Variants in ENTREP2 observed in about 807,000 individuals in gnomAD.
ENTREP2 encodes endosomal transmembrane epsin interactor 2.
chr15:29,477,924 C>T, the ENTREP2 span, among the ~76,000 whole-genome samples: 1 of 147,016 alleles, frequency 6.8e-6, no homozygotes, highest in Non-Finnish European at 1.5e-5. Flanking sequence ...AAGCACAACA[C>T]AAGCCTTGGG....
chr15:29,493,854 G>A, the ENTREP2 span, among the ~76,000 whole-genome samples: 17 of 151,898 alleles, frequency 1.1e-4, no homozygotes, highest in African/African-American at 3.6e-4. Flanking sequence ...GCTCACACCC[G>A]TAATCCCAGG....
chr15:29,198,157 G>A, the ENTREP2 span, among the ~76,000 whole-genome samples: 3 of 152,180 alleles, frequency 2.0e-5, no homozygotes, highest in South Asian at 4.1e-4. Context: ...GGCTTTGCGA[G>A]TGGCTTTCAG....
chr15:29,237,947 C>T, the ENTREP2 span, among the ~76,000 whole-genome samples: 1 of 152,100 alleles, frequency 6.6e-6, no homozygotes, highest in African/African-American at 2.4e-5. Context: ...GTGGAAACAA[C>T]CCAAATGTCC....
At chr15:29,389,900 C>A in the ENTREP2 span, among the ~76,000 whole-genome samples, 1 of 152,214 alleles carries the variant, frequency 6.6e-6, no homozygotes, top group South Asian at 2.1e-4. Flanking sequence ...GCACAGACTT[C>A]ACTCCCCCCA....
the ENTREP2 span, chr15:29,151,945 C>A: frequency 3.6e-6 from 3 of 831,446 alleles, no homozygotes; most frequent in Non-Finnish European, 6.0e-6. Flanking sequence ...CGATGACCAT[C>A]CACTTCATGG....
At chr15:29,642,384 TA>T in the ENTREP2 span, among the ~76,000 whole-genome samples, 5 of 151,202 alleles carry the variant, frequency 3.3e-5, no homozygotes, top group Non-Finnish European at 7.4e-5. Context: ...AACCATTCAA[TA>T]GGGGGGAGAG....
chr15:29,308,678 A>G, the ENTREP2 span, among the ~76,000 whole-genome samples: 1 of 152,244 alleles, frequency 6.6e-6, no homozygotes, highest in East Asian at 1.9e-4. Context: ...GGTACCTTGC[A>G]CATAACAGGA....
chr15:29,510,102 A>G, the ENTREP2 span, among the ~76,000 whole-genome samples: 5 of 152,228 alleles, frequency 3.3e-5, no homozygotes, highest in Non-Finnish European at 7.3e-5. Flanking sequence ...ATGAACAGAT[A>G]CTTTTCAAAA....
chr15:29,601,106 C>T, the ENTREP2 span, among the ~76,000 whole-genome samples: 6 of 149,096 alleles, frequency 4.0e-5, no homozygotes, highest in Admixed American at 4.0e-4. Flanking sequence ...ACCGTGTTAG[C>T]CAGGATGGTC....
chr15:29,328,301 C>T, the ENTREP2 span, among the ~76,000 whole-genome samples: 1 of 152,056 alleles, frequency 6.6e-6, no homozygotes, highest in Admixed American at 6.5e-5. Flanking sequence ...AAGTGAAGTC[C>T]AGAGAATTTT....
chr15:29,191,239 A>G, the ENTREP2 span, among the ~76,000 whole-genome samples: 3 of 152,188 alleles, frequency 2.0e-5, no homozygotes, highest in African/African-American at 7.2e-5. Context: ...AAGTATCTAT[A>G]ATTATGGGAA....
chr15:29,246,392 C>CAAAA, the ENTREP2 span, among the ~76,000 whole-genome samples: 1 of 90,700 alleles, frequency 1.1e-5, no homozygotes, highest in African/African-American at 4.1e-5. Flanking sequence ...ACCCTGTTTC[C>CAAAA]AAAAAAAAAA....
At chr15:29,173,980 C>A in the ENTREP2 span, among the ~76,000 whole-genome samples, 3 of 147,982 alleles carry the variant, frequency 2.0e-5, no homozygotes, top group Non-Finnish European at 4.4e-5. Context: ...CCCACTCTTT[C>A]ATTTAGATGA....
chr15:29,136,717 C>T, the ENTREP2 span, among the ~76,000 whole-genome samples: 7 of 151,796 alleles, frequency 4.6e-5, no homozygotes, highest in Non-Finnish European at 7.4e-5. Flanking sequence ...CTCTACTGAC[C>T]TGTCCATTAA....
At chr15:29,380,163 A>T in the ENTREP2 span, among the ~76,000 whole-genome samples, 1 of 152,296 alleles carries the variant, frequency 6.6e-6, no homozygotes, top group South Asian at 2.1e-4. Context: ...TCATGACAGC[A>T]GTCTGTTTAC....
At chr15:29,247,394 A>T in the ENTREP2 span, among the ~76,000 whole-genome samples, 1 of 152,238 alleles carries the variant, frequency 6.6e-6, no homozygotes, top group Non-Finnish European at 1.5e-5. Flanking sequence ...AAGACTAAAC[A>T]TTTAAAACCA....
chr15:29,228,436 G>A, the ENTREP2 span, among the ~76,000 whole-genome samples: 1 of 152,178 alleles, frequency 6.6e-6, no homozygotes, highest in Non-Finnish European at 1.5e-5. Flanking sequence ...GTTATCAGGG[G>A]CTGGGGAAGC....
the ENTREP2 span, among the ~76,000 whole-genome samples, chr15:29,450,330 G>T: frequency 2.0e-5 from 3 of 152,102 alleles, no homozygotes; most frequent in Non-Finnish European, 4.4e-5. Flanking sequence ...GGTATTTCCT[G>T]GGTTATCTTC....
chr15:29,141,923 C>T, the ENTREP2 span, among the ~76,000 whole-genome samples: 1 of 152,332 alleles, frequency 6.6e-6, no homozygotes, highest in East Asian at 1.9e-4. Context: ...GGGTGCCTTA[C>T]TGCACAGGGT....
Sources: gnomAD v4.1 joint callset for allele counts (sites outside exome capture counted in the v4.1 genomes callset) on GRCh38, gnomAD v4.1.1 for gene constraint, MANE v1.5 for transcripts, NCBI Gene and HGNC (gene_info 2026-07-23, HGNC 2026-07-21) for gene names.